Variants in IL11RA observed in about 807,000 individuals in gnomAD.
The protein encoded by IL11RA is interleukin-11 receptor subunit alpha.
A neutral mutation model predicts 57.0 loss-of-function variants in IL11RA; 51 were observed. The observed-to-expected ratio is 0.89, with a 90% CI of 0.71 to 1.13. IL11RA has a LOEUF of 1.13. IL11RA is among the 50% of genes most tolerant of loss of function. The pLI, the probability that IL11RA is intolerant of heterozygous loss-of-function variation, is 0.00. For synonymous variants in IL11RA, 199 were observed against 217.5 expected, an observed-to-expected ratio of 0.91 and a Z score of 0.75; for missense variants, 498 against 539.4, an observed-to-expected ratio of 0.92 and a Z score of 0.76.
intron 12 of IL11RA, among the ~76,000 whole-genome samples, 162 bp downstream of exon 12, chr9:34,661,098 C>T (rs1267480176): frequency 1.3e-5 from 2 of 151,860 alleles, no homozygotes; most frequent in African/African-American, 2.4e-5. Flanking sequence ...GCCTTTCATT[C>T]TTGAGTCCCT....
chr9:34,659,337 A>G (rs533294262), intron 8 of IL11RA, among the ~76,000 whole-genome samples: 12 of 152,310 alleles, frequency 7.9e-5, no homozygotes, highest in African/African-American at 2.9e-4. Context: ...GATGTTAAAG[A>G]TTGGCTGGTA....
chr9:34,660,294 C>A lies in IL11RA; in HGVS notation c.973C>A (p.Pro325Thr), dbSNP rs200369324. 188 of 1,614,244 alleles carry A rather than the reference C, an allele frequency of 1.2e-4. No individual in the cohort carries two copies. Among genetic ancestry groups the A allele is most frequent in the East Asian group, 1.1e-3 (50 of 44,878 alleles). The change falls in exon 10 of 13, where the codon CCA (proline) becomes ACA (threonine). Residue 325 changes from proline (P) to threonine (T), a missense_variant. By Grantham distance (38) the Pro-to-Thr change is conservative. Transcript: ENST00000441545. The part of the protein sequence containing the change: ...PSTGTIPKEI[P>T]AWGQLHTQPE... ...TTTAGGGACCATACCAAAGGAGATA[C>A]CAGCATGGGGCCAGCTACACACGCA...
In IL11RA at chr9:34,661,405, A is replaced by C. The variant is rs1821453996; in HGVS notation, c.1253-77A>C. 4 of 1,487,804 alleles carry C rather than the reference A, an allele frequency of 2.7e-6. No individual in the cohort carries two copies. The South Asian group carries it at 3.4e-5, about 13-fold the overall frequency. 92.2% of individuals were successfully genotyped at this position (1,487,804 alleles called of 1,614,324 possible). A position where few individuals can be genotyped will look rare whatever the true frequency, so the allele number is the denominator to read the frequency against. On this transcript the variant is annotated intron_variant, in intron 12 of 12. Coordinates refer to ENST00000441545, the MANE Select transcript of IL11RA (RefSeq NM_001142784.3). ...AGAGTGTTAAGCTTAGAACTGAGTC[A>C]CCTCCCTCATTCTCAGGGTGTCTGG...
Position 34,660,510 on chromosome 9 carries a change from G to C in IL11RA, c.1079G>C (p.Arg360Thr). Reference sequence around the variant, plus strand: ...ATGTGGCCCTCCCCCTCAGATCACAGGGACTCTGTGGAGCAGGTAGCTGTG... The same window carrying C: ...ATGTGGCCCTCCCCCTCAGATCACACGGACTCTGTGGAGCAGGTAGCTGTG... ...LQPHPRLLDH[R>T]DSVEQVAVLA... Residue 360 changes from arginine to threonine, a missense_variant, in exon 11 of 13, where the codon AGG becomes ACG. Arg to Thr is a moderately conservative substitution (Grantham distance 71). Coordinates refer to ENST00000441545, the MANE Select transcript of IL11RA (RefSeq NM_001142784.3). 6.2e-7 allele frequency: 1 copy of C among 1,614,164 alleles called. No individual in the cohort carries two copies. Among genetic ancestry groups the C allele is most frequent in the Non-Finnish European group, 8.5e-7 (1 of 1,180,004 alleles).
In IL11RA at chr9:34,655,674, C is replaced by G; in HGVS notation, c.161+9C>G. The G allele has an allele frequency of 6.2e-7, 1 of 1,613,654 alleles. No individual in the cohort carries two copies. Among genetic ancestry groups the G allele is most frequent in the Non-Finnish European group, 8.5e-7 (1 of 1,179,604 alleles). ...CCTGGAGTGACTGCCGGGTAAGTGC[C>G]CCACCTGCCTGTTGGTCTGACACTC... On this transcript the variant is annotated intron_variant, in intron 3 of 12. Coordinates refer to ENST00000441545, the MANE Select transcript of IL11RA (RefSeq NM_001142784.3).
intron 12 of IL11RA, 126 bp from the exon 13 acceptor site, chr9:34,661,356 A>T: frequency 9.9e-7 from 1 of 1,015,162 alleles, no homozygotes; most frequent in Non-Finnish European, 1.6e-6. Flanking sequence ...GCTCCCTCAG[A>T]GCTGGGCTCC....
rs1048656 is a variant in IL11RA, at chr9:34,660,675, C to T, written c.1169+75C>T. ...GATGCCCATAGACCACATTCATCTCCACCCTTCATGACTGCCCGCTGAACC... is the reference window on the plus strand; with the variant it reads ...GATGCCCATAGACCACATTCATCTCTACCCTTCATGACTGCCCGCTGAACC... On this transcript the variant is annotated intron_variant, in intron 11 of 12. Coordinates refer to ENST00000441545, the MANE Select transcript of IL11RA (RefSeq NM_001142784.3). 42 of 1,354,914 alleles carry T rather than the reference C, an allele frequency of 3.1e-5. No individual in the cohort carries two copies. The South Asian group carries it at 4.9e-4, about 16-fold the overall frequency. The allele number at this position is 1,354,914 out of a possible 1,614,324, so 83.9% of individuals were successfully genotyped here. A position where few individuals can be genotyped will look rare whatever the true frequency, so the allele number is the denominator to read the frequency against.
rs1303046364 is a variant in IL11RA, at chr9:34,653,735, G to C, written c.1-1483G>C. The stretch of plus-strand genomic sequence containing the variant: ...CCTTTCCCTCTTGCTGGCCTTGGCT[G>C]TGTCTGTGGCTTCCTTTCCAGACTT... On this transcript the variant is annotated intron_variant, in intron 1 of 12. Coordinates refer to ENST00000441545, the MANE Select transcript of IL11RA (RefSeq NM_001142784.3). This position sits in a 1 kb window ranked among gnomAD's most constrained non-coding sequence, Gnocchi z 4.5. 4 of 152,428 alleles carry C rather than the reference G, an allele frequency of 2.6e-5. No homozygotes were observed. The highest frequency in any genetic ancestry group is 9.7e-5 in the African/African-American group (4 of 41,412). 9.4% of individuals were successfully genotyped at this position (152,428 alleles called of 1,614,324 possible).
chr9:34,659,983 T>C, intron 9 of IL11RA, 83 bp downstream of exon 9: 1 of 1,527,372 alleles, frequency 6.5e-7, no homozygotes, highest in South Asian at 1.2e-5. Flanking sequence ...GACAGGCAGG[T>C]GGCACATGCC....
rs543977572 is a variant in IL11RA, at chr9:34,659,967, C to T, written c.952+67C>T. 4.2e-5 allele frequency: 66 copies of T among 1,580,836 alleles called. No homozygotes were observed. The South Asian group carries it at 7.2e-4, about 17-fold the overall frequency. On this transcript the variant is annotated intron_variant, in intron 9 of 12. Transcript: ENST00000441545. The stretch of plus-strand genomic sequence containing the variant: ...AAAGCATCTATCAGCTGAACCAGTT[C>T]CAAAAGACAGGCAGGTGGCACATGC...
rs1405170405 is a variant in IL11RA, at chr9:34,658,449, C to T, written c.647-71C>T. 2.7e-6 allele frequency: 4 copies of T among 1,499,460 alleles called. No homozygotes were observed. In the African/African-American group the frequency reaches 4.1e-5, roughly 15 times the overall value. 92.9% of individuals were successfully genotyped at this position (1,499,460 alleles called of 1,614,324 possible). On this transcript the variant is annotated intron_variant, in intron 7 of 12. Coordinates refer to ENST00000441545, the MANE Select transcript of IL11RA (RefSeq NM_001142784.3). This position sits in a 1 kb window ranked among gnomAD's most constrained non-coding sequence, Gnocchi z 4.0. ...TCTGGCTAAGGCTCCTTTAAACACA[C>T]ACTTTGGGAAGTGGTGGGGAAGTGA...
chr9:34,655,557 G>C (rs1821327416), intron 2 of IL11RA, 48 bp from the exon 3 acceptor site: 1 of 1,550,368 alleles, frequency 6.5e-7, no homozygotes. Context: ...CTCACAAAGT[G>C]GGGAGGGGGG....
In IL11RA at chr9:34,658,672, G is replaced by T; in HGVS notation, c.799G>T (p.Ala267Ser). 2 of 1,612,970 alleles carry T rather than the reference G, an allele frequency of 1.2e-6. No homozygotes were observed. Among genetic ancestry groups the T allele is most frequent in the Middle Eastern group, 1.6e-4 (1 of 6,062 alleles). The change falls in exon 8 of 13, where the codon GCC (alanine) becomes TCC (serine). Residue 267 changes from alanine (A) to serine (S), a missense_variant. Coordinates refer to ENST00000441545, the MANE Select transcript of IL11RA (RefSeq NM_001142784.3). This position sits in a 1 kb window ranked among gnomAD's most constrained non-coding sequence, Gnocchi z 4.0. Reference protein sequence around the residue: ...RLQYRPAQHPAWSTVEPAGLE... With the variant: ...RLQYRPAQHPSWSTVEPAGLE... ...GCAGTACCGTCCGGCGCAGCATCCAGCCTGGTCCACGGTGAGGCCTGGAGT... is the reference window on the plus strand; with the variant it reads ...GCAGTACCGTCCGGCGCAGCATCCATCCTGGTCCACGGTGAGGCCTGGAGT...
Position 34,653,730 on chromosome 9 carries a change from T to A in IL11RA, c.1-1488T>A, listed in dbSNP as rs1265528023. 6.6e-6 allele frequency: 1 copy of A among 152,284 alleles called. No homozygotes were observed. The highest frequency in any genetic ancestry group is 2.4e-5 in the African/African-American group (1 of 41,380). The allele number at this position is 152,284 out of a possible 1,614,324, so 9.4% of individuals were successfully genotyped here. A position where few individuals can be genotyped will look rare whatever the true frequency, so the allele number is the denominator to read the frequency against. On this transcript the variant is annotated intron_variant, in intron 1 of 12. Coordinates refer to ENST00000441545, the MANE Select transcript of IL11RA (RefSeq NM_001142784.3). This position sits in a 1 kb window ranked among gnomAD's most constrained non-coding sequence, Gnocchi z 4.5. ...ACCCTCCTTTCCCTCTTGCTGGCCT[T>A]GGCTGTGTCTGTGGCTTCCTTTCCA...
Position 34,658,752 on chromosome 9 carries a change from C to A in IL11RA, c.810+69C>A. On this transcript the variant is annotated intron_variant, in intron 8 of 12. Coordinates refer to ENST00000441545, the MANE Select transcript of IL11RA (RefSeq NM_001142784.3). The surrounding 1 kb of genome is among the most constrained non-coding windows in gnomAD (Gnocchi z 4.0). ...CTCTGATTTCACGATCCTGGGTGTT[C>A]TGTATAGCTTTCCAGTGCTGGCAGG... 1 of 1,549,598 alleles carries A rather than the reference C, an allele frequency of 6.5e-7. No individual in the cohort carries two copies. Among genetic ancestry groups the A allele is most frequent in the East Asian group, 2.2e-5 (1 of 44,602 alleles).
chr9:34,655,506 C>T lies in IL11RA; in HGVS notation c.101-99C>T. On this transcript the variant is annotated intron_variant, in intron 2 of 12. Transcript: ENST00000441545. Reference sequence around the variant, plus strand: ...ATGATGCTTTGATCCAGTGAGCCCCCCACCACCCAGGTTTTAACAGTCTGC... The same window carrying T: ...ATGATGCTTTGATCCAGTGAGCCCCTCACCACCCAGGTTTTAACAGTCTGC... 3 of 1,102,864 alleles carry T rather than the reference C, an allele frequency of 2.7e-6. No individual in the cohort carries two copies. The South Asian group carries it at 3.8e-5, about 14-fold the overall frequency. The allele number at this position is 1,102,864 out of a possible 1,614,324, so 68.3% of individuals were successfully genotyped here. A position where few individuals can be genotyped will look rare whatever the true frequency, so the allele number is the denominator to read the frequency against.
In IL11RA at chr9:34,657,550, C is replaced by T. The variant is rs777243827; in HGVS notation, c.609C>T (p.Ala203=). 19 of 1,614,050 alleles carry T rather than the reference C, an allele frequency of 1.2e-5. 1 individual carries two copies. The South Asian group carries it at 2.0e-4, about 17-fold the overall frequency. The part of the protein sequence containing the change: ...INVTEVNPLG[A]STRLLDVSLQ... The stretch of plus-strand genomic sequence containing the variant: ...TGACTGAGGTGAACCCACTGGGTGC[C>T]AGCACACGCCTGCTGGATGTGAGCT... Residue 203 remains alanine (A), a synonymous_variant, in exon 7 of 13, where the codon GCC becomes GCT. Transcript: ENST00000441545.
chr9:34,655,700 A>G, intron 3 of IL11RA, 35 bp downstream of exon 3: 5 of 1,592,500 alleles, frequency 3.1e-6, no homozygotes, highest in Non-Finnish European at 3.4e-6. Flanking sequence ...TCTGACACTC[A>G]TGACCCTTTC....
intron 12 of IL11RA, 122 bp downstream of exon 12, chr9:34,661,058 C>T (rs1039315760): frequency 2.2e-5 from 18 of 818,914 alleles, no homozygotes; most frequent in African/African-American, 2.2e-4. Flanking sequence ...TGGGTCTCCT[C>T]ATTTTAATGA....
Sources: gnomAD v4.1 joint callset for allele counts (sites outside exome capture counted in the v4.1 genomes callset) on GRCh38, gnomAD v4.1.1 for gene constraint, Gnocchi (gnomAD v3.1) non-coding constraint, MANE v1.5 for transcripts, NCBI Gene and HGNC (gene_info 2026-07-23, HGNC 2026-07-21) for gene names.